The following PCDHB2 variants were observed in gnomAD, a reference collection of about 807,000 sequenced individuals.
PCDHB2 encodes protocadherin beta 2.
For missense variants in PCDHB2, 914 were observed against 1,023.1 expected (o/e 0.89, Z 1.45); for synonymous variants, 395 against 464.9 (o/e 0.85, Z 1.93).
In PCDHB2 at chr5:141,098,279, A is replaced by G. The variant is rs1554271844; in HGVS notation, c.*1092A>G. 6.6e-6 allele frequency: 1 copy of G among 152,192 alleles called. No homozygotes were observed. Among genetic ancestry groups the G allele is most frequent in the African/African-American group, 2.4e-5 (1 of 41,438 alleles). The allele number at this position is 152,192 out of a possible 1,614,324, so 9.4% of individuals were successfully genotyped here. ...CCCTTTAAAATCTTTTAAAATTATT[A>G]ATAACCTATTAACTTTGAGCACTTC... On this transcript the variant is annotated 3_prime_UTR_variant, in exon 1 of 1. Transcript: ENST00000194155.
Position 141,096,633 on chromosome 5 carries a change from G to A in PCDHB2, c.1843G>A (p.Gly615Arg), listed in dbSNP as rs140849269. 1.8e-5 allele frequency: 29 copies of A among 1,608,262 alleles called. No homozygotes were observed. Among genetic ancestry groups the A allele is most frequent in the African/African-American group, 4.0e-5 (3 of 74,976 alleles). Residue 615 changes from glycine (G) to arginine (R), a missense_variant, in exon 1 of 1, where the codon GGG becomes AGG. By Grantham distance (125) the Gly-to-Arg change is moderately radical. Transcript: ENST00000194155. ...CCAGCTGCTCAAGGCCACGGAGCCC[G>A]GGCTGTTCGGCGTGTGGGCGCACAA... ...SYQLLKATEPGLFGVWAHNGE... is the reference protein window; with the variant it reads ...SYQLLKATEPRLFGVWAHNGE...
rs782710718 is a variant in PCDHB2, at chr5:141,096,584, G to C, written c.1794G>C (p.Ser598=). 3.7e-6 allele frequency: 6 copies of C among 1,605,792 alleles called. No homozygotes were observed. The highest frequency in any genetic ancestry group is 2.7e-5 in the African/African-American group (2 of 74,880). ...AGGTGGTGGCGGTGGACGGCGACTC[G>C]GGCCAGAACGCCTGGCTGTCGTACC... The part of the protein sequence containing the change: ...VTKVVAVDGD[S]GQNAWLSYQL... The change falls in exon 1 of 1, where the codon TCG becomes TCC. Residue 598 remains serine (S), a synonymous_variant. Coordinates refer to ENST00000194155, the MANE Select transcript of PCDHB2 (RefSeq NM_018936.4).
At position 141,095,658 on chromosome 5, in the gene PCDHB2, AT is replaced by A; in HGVS notation, c.870del (p.Arg291AlafsTer6). ...SYAFSQASED[I>X]RKTFRLSAKS... ...TGCATTTTCCCAAGCATCTGAAGACATTCGCAAAACGTTTCGATTAAGTGCA... is the reference window on the plus strand; with the variant it reads ...TGCATTTTCCCAAGCATCTGAAGACATCGCAAAACGTTTCGATTAAGTGCA... On this transcript the variant is annotated frameshift_variant, in exon 1 of 1. Transcript: ENST00000194155. LOFTEE classifies it low-confidence loss of function (END_TRUNC). The A allele has an allele frequency of 6.2e-7, 1 of 1,614,236 alleles. No homozygotes were observed. Among genetic ancestry groups the A allele is most frequent in the Non-Finnish European group, 8.5e-7 (1 of 1,180,048 alleles).
Position 141,096,400 on chromosome 5 carries a change from A to G in PCDHB2, c.1610A>G (p.Asp537Gly). The G allele has an allele frequency of 6.2e-7, 1 of 1,612,254 alleles. No individual in the cohort carries two copies. Among genetic ancestry groups the G allele is most frequent in the Non-Finnish European group, 8.5e-7 (1 of 1,179,700 alleles). ...TTCGAGTTCCGCGTGGGCGCCGCAG[A>G]CCGCGGCTCCCCGGCGTTGAGCAGC... ...QAFEFRVGAADRGSPALSSEA... is the reference protein window; with the variant it reads ...QAFEFRVGAAGRGSPALSSEA... Residue 537 changes from aspartate to glycine, a missense_variant, in exon 1 of 1, where the codon GAC becomes GGC. Transcript: ENST00000194155.
rs1554271245 is a variant in PCDHB2, at chr5:141,095,397, G to A, written c.607G>A (p.Asp203Asn). The A allele has an allele frequency of 6.2e-7, 1 of 1,614,104 alleles. No individual in the cohort carries two copies. Among genetic ancestry groups the A allele is most frequent in the Non-Finnish European group, 8.5e-7 (1 of 1,179,994 alleles). ...LPQLVLNRAL[D>N]REEQPEIRLT... Reference sequence around the variant, plus strand: ...ACAGCTGGTGCTGAACAGAGCCCTGGATCGCGAGGAGCAGCCTGAGATCAG... The same window carrying A: ...ACAGCTGGTGCTGAACAGAGCCCTGAATCGCGAGGAGCAGCCTGAGATCAG... Residue 203 changes from aspartate to asparagine, a missense_variant, in exon 1 of 1, where the codon GAT (aspartate) becomes AAT (asparagine). Transcript: ENST00000194155.
Position 141,094,712 on chromosome 5 carries a change from A to G in PCDHB2, c.-79A>G. The G allele has an allele frequency of 8.4e-7, 1 of 1,197,152 alleles. No homozygotes were observed. Among genetic ancestry groups the G allele is most frequent in the African/African-American group, 1.5e-5 (1 of 65,544 alleles). 74.2% of individuals were successfully genotyped at this position (1,197,152 alleles called of 1,614,324 possible). ...CCTAGGATTGTCCACTCATCCCAGT[A>G]TCAGCGAGATACGGGGAGATAGAGT... On this transcript the variant is annotated 5_prime_UTR_variant, in exon 1 of 1. Transcript: ENST00000194155.
In PCDHB2 at chr5:141,096,195, G is replaced by A; in HGVS notation, c.1405G>A (p.Ala469Thr). Residue 469 changes from alanine to threonine, a missense_variant, in exon 1 of 1, where the codon GCC becomes ACC. Physicochemically the swap from Ala to Thr is moderately conservative, Grantham distance 58. Transcript: ENST00000194155. ...TLFVRENNSP[A>T]LHIGSVSATD... ...GTTCGTCCGCGAGAACAACAGCCCC[G>A]CCCTGCACATCGGCAGCGTCAGCGC... The A allele has an allele frequency of 1.2e-6, 2 of 1,613,048 alleles. No individual in the cohort carries two copies. The highest frequency in any genetic ancestry group is 1.7e-6 in the Non-Finnish European group (2 of 1,180,032).
Position 141,095,735 on chromosome 5 carries a change from G to T in PCDHB2, c.945G>T (p.Gln315His). Reference protein sequence around the residue: ...LRQKLDFESIQTYTVNIQATD... With the variant: ...LRQKLDFESIHTYTVNIQATD... ...AGAAACTGGATTTCGAATCCATCCA[G>T]ACATACACAGTAAATATTCAGGCGA... Residue 315 changes from glutamine to histidine, a missense_variant, in exon 1 of 1, where the codon CAG (glutamine) becomes CAT (histidine). By Grantham distance (24) the Gln-to-His change is conservative. Coordinates refer to ENST00000194155, the MANE Select transcript of PCDHB2 (RefSeq NM_018936.4). The T allele has an allele frequency of 6.2e-7, 1 of 1,614,176 alleles. No homozygotes were observed. The highest frequency in any genetic ancestry group is 8.5e-7 in the Non-Finnish European group (1 of 1,180,024).
In PCDHB2 at chr5:141,094,704, A is replaced by G. The variant is rs1554271045; in HGVS notation, c.-87A>G. On this transcript the variant is annotated 5_prime_UTR_variant, in exon 1 of 1. Transcript: ENST00000194155. The stretch of plus-strand genomic sequence containing the variant: ...ATCCGGGCCCTAGGATTGTCCACTC[A>G]TCCCAGTATCAGCGAGATACGGGGA... 9.0e-7 allele frequency: 1 copy of G among 1,114,300 alleles called. No homozygotes were observed. The highest frequency in any genetic ancestry group is 1.6e-5 in the African/African-American group (1 of 63,782). The allele number at this position is 1,114,300 out of a possible 1,614,324, so 69.0% of individuals were successfully genotyped here.
rs782414360 is a variant in PCDHB2, at chr5:141,096,876, T to C, written c.2086T>C (p.Leu696=). ...DLLTVYLVVA[L]ASVSSLFLFS... ...GCTCACCGTCTACCTGGTGGTGGCG[T>C]TGGCCTCGGTGTCTTCGCTCTTCCT... Residue 696 remains leucine (L), a synonymous_variant, in exon 1 of 1, where the codon TTG becomes CTG. Transcript: ENST00000194155. 1 of 1,611,614 alleles carries C rather than the reference T, an allele frequency of 6.2e-7. No homozygotes were observed. Among genetic ancestry groups the C allele is most frequent in the Non-Finnish European group, 8.5e-7 (1 of 1,179,798 alleles).
Position 141,095,436 on chromosome 5 carries a change from G to A in PCDHB2, c.646G>A (p.Ala216Thr). 6.2e-7 allele frequency: 1 copy of A among 1,614,134 alleles called. No homozygotes were observed. The change falls in exon 1 of 1, where the codon GCG becomes ACG. Residue 216 changes from alanine (A) to threonine (T), a missense_variant. Transcript: ENST00000194155. ...EQPEIRLTLT[A>T]LDGGSPPRSG... ...GCCTGAGATCAGGTTAACCCTCACA[G>A]CGCTAGATGGCGGGAGTCCACCCAG...
rs1554271322 is a variant in PCDHB2, at chr5:141,095,734, A to G, written c.944A>G (p.Gln315Arg). The G allele has an allele frequency of 6.2e-7, 1 of 1,614,186 alleles. No homozygotes were observed. The highest frequency in any genetic ancestry group is 1.7e-5 in the Admixed American group (1 of 60,030). Residue 315 changes from glutamine (Q) to arginine (R), a missense_variant, in exon 1 of 1, where the codon CAG (glutamine) becomes CGG (arginine). Transcript: ENST00000194155. Reference sequence around the variant, plus strand: ...CAGAAACTGGATTTCGAATCCATCCAGACATACACAGTAAATATTCAGGCG... The same window carrying G: ...CAGAAACTGGATTTCGAATCCATCCGGACATACACAGTAAATATTCAGGCG... Reference protein sequence around the residue: ...LRQKLDFESIQTYTVNIQATD... With the variant: ...LRQKLDFESIRTYTVNIQATD...
At position 141,098,638 on chromosome 5, in the gene PCDHB2, AAGAG is replaced by A. The variant is rs1245043415; in HGVS notation, c.*1455_*1458del. On this transcript the variant is annotated 3_prime_UTR_variant, in exon 1 of 1. Coordinates refer to ENST00000194155, the MANE Select transcript of PCDHB2 (RefSeq NM_018936.4). ...CTTAATAAAATTTTTGAATGATTGA[AAGAG>A]AGAAAAGTATTTTACCTGTGATATA... 3 of 152,336 alleles carry A rather than the reference AAGAG, an allele frequency of 2.0e-5. No homozygotes were observed. Among genetic ancestry groups the A allele is most frequent in the South Asian group, 2.1e-4 (1 of 4,830 alleles). 9.4% of individuals were successfully genotyped at this position (152,336 alleles called of 1,614,324 possible).
Position 141,095,294 on chromosome 5 carries a change from T to A in PCDHB2, c.504T>A (p.Ser168Arg), listed in dbSNP as rs982905394. 1.2e-6 allele frequency: 2 copies of A among 1,613,956 alleles called. No individual in the cohort carries two copies. The highest frequency in any genetic ancestry group is 2.7e-5 in the African/African-American group (2 of 74,902). ...RAQDLDVGTN[S>R]LQNYTISPNF... ...AGGACTTGGATGTAGGAACCAACAG[T>A]CTCCAAAATTACACAATCAGTCCCA... Residue 168 changes from serine (S) to arginine (R), a missense_variant, in exon 1 of 1, where the codon AGT (serine) becomes AGA (arginine). Coordinates refer to ENST00000194155, the MANE Select transcript of PCDHB2 (RefSeq NM_018936.4).
Position 141,097,333 on chromosome 5 carries a change from A to G in PCDHB2, c.*146A>G. The G allele has an allele frequency of 2.2e-6, 2 of 901,542 alleles. No homozygotes were observed. Among genetic ancestry groups the G allele is most frequent in the Non-Finnish European group, 3.2e-6 (2 of 622,498 alleles). The allele number at this position is 901,542 out of a possible 1,614,324, so 55.8% of individuals were successfully genotyped here. A position where few individuals can be genotyped will look rare whatever the true frequency, so the allele number is the denominator to read the frequency against. ...GCATGTTACTGGTATTTATAAATGT[A>G]TGAGTTTTTTTGCGGTATAATAAAT... is the stretch of plus-strand genomic sequence containing the variant. On this transcript the variant is annotated 3_prime_UTR_variant, in exon 1 of 1. Transcript: ENST00000194155.
At position 141,096,245 on chromosome 5, in the gene PCDHB2, C is replaced by G; in HGVS notation, c.1455C>G (p.Asn485Lys). 6.2e-7 allele frequency: 1 copy of G among 1,613,094 alleles called. No homozygotes were observed. The highest frequency in any genetic ancestry group is 1.1e-5 in the South Asian group (1 of 91,026). ...VSATDRDSGT[N>K]AQVTYSLLPP... The stretch of plus-strand genomic sequence containing the variant: ...CCACAGACAGAGACTCGGGCACCAA[C>G]GCCCAGGTCACCTACTCGCTGCTGC... The change falls in exon 1 of 1, where the codon AAC becomes AAG. Residue 485 changes from asparagine (N) to lysine (K), a missense_variant. Coordinates refer to ENST00000194155, the MANE Select transcript of PCDHB2 (RefSeq NM_018936.4).
rs868985421 is a variant in PCDHB2 at position 141,094,702 on chromosome 5, T to A, written c.-89T>A. On this transcript the variant is annotated 5_prime_UTR_variant, in exon 1 of 1. Transcript: ENST00000194155. ...AAATCCGGGCCCTAGGATTGTCCAC[T>A]CATCCCAGTATCAGCGAGATACGGG... 21 of 1,099,764 alleles carry A rather than the reference T, an allele frequency of 1.9e-5. 1 individual carries two copies. The South Asian group carries it at 3.4e-4, about 18-fold the overall frequency. 68.1% of individuals were successfully genotyped at this position (1,099,764 alleles called of 1,614,324 possible). A position where few individuals can be genotyped will look rare whatever the true frequency, so the allele number is the denominator to read the frequency against.
In PCDHB2 at chr5:141,095,005, GA is replaced by G. The variant is rs782086614; in HGVS notation, c.223del (p.Met75CysfsTer14). On this transcript the variant is annotated frameshift_variant, in exon 1 of 1. Coordinates refer to ENST00000194155, the MANE Select transcript of PCDHB2 (RefSeq NM_018936.4). LOFTEE classifies it low-confidence loss of function (END_TRUNC). ...AGGGGGGCCAGGGTCGTTTCCAAAG[GA>G]AAAAAAATGCATTTGCAGTTCGATA... ...AVRGARVVSK[G>X]KKMHLQFDRQ... 3.7e-6 allele frequency: 6 copies of G among 1,610,094 alleles called. No homozygotes were observed. The highest frequency in any genetic ancestry group is 4.2e-6 in the Non-Finnish European group (5 of 1,178,836).
At position 141,095,301 on chromosome 5, in the gene PCDHB2, A is replaced by T. The variant is rs781792244; in HGVS notation, c.511A>T (p.Asn171Tyr). The change falls in exon 1 of 1, where the codon AAT becomes TAT. Residue 171 changes from asparagine (N) to tyrosine (Y), a missense_variant. Coordinates refer to ENST00000194155, the MANE Select transcript of PCDHB2 (RefSeq NM_018936.4). ...GGATGTAGGAACCAACAGTCTCCAA[A>T]ATTACACAATCAGTCCCAATTTCCA... ...DLDVGTNSLQ[N>Y]YTISPNFHFH... 1 of 1,614,100 alleles carries T rather than the reference A, an allele frequency of 6.2e-7. No homozygotes were observed. The highest frequency in any genetic ancestry group is 2.2e-5 in the East Asian group (1 of 44,882).
Sources: gnomAD v4.1 joint callset for allele counts on GRCh38, gnomAD v4.1.1 for gene constraint, MANE v1.5 for transcripts, NCBI Gene and HGNC (gene_info 2026-07-23, HGNC 2026-07-21) for gene names.